Variants in PLCB1 observed in about 807,000 individuals in gnomAD.
PLCB1 encodes the protein 1-phosphatidylinositol 4,5-bisphosphate phosphodiesterase beta-1.
PLCB1 carries 46 observed loss-of-function variants against 161.8 expected under a neutral mutation model. The observed-to-expected ratio is 0.28, with a 90% confidence interval of 0.22 to 0.36. The LOEUF (loss-of-function observed/expected upper bound fraction) is 0.36, where lower values mean the gene tolerates loss of function less well. Ranked by LOEUF, PLCB1 falls within the 10% of genes least tolerant of loss-of-function variation. The pLI is 1.00. For synonymous variants in PLCB1, 517 were observed against 503.7 expected (o/e 1.03, Z -0.35); for missense variants, 1,016 against 1,472.5 (o/e 0.69, Z 5.07).
At chr20:8,138,936 A>G (rs1359061338) in intron 1 of PLCB1, among the ~76,000 whole-genome samples, 1 of 151,360 alleles carries the variant, frequency 6.6e-6, no homozygotes, top group Non-Finnish European at 1.5e-5. Flanking sequence ...AAATCTATGC[A>G]TTTATCAAGA....
chr20:8,584,529 A>C (rs6055924), intron 3 of PLCB1, among the ~76,000 whole-genome samples: 56,999 of 151,274 alleles, frequency 0.38, 11,514 homozygotes, highest in African/African-American at 0.54. Context: ...ATCCATATTG[A>C]AATAGAGAAT....
chr20:8,442,015 A>C (rs1186670492), intron 3 of PLCB1, among the ~76,000 whole-genome samples: 1 of 152,196 alleles, frequency 6.6e-6, no homozygotes, highest in Non-Finnish European at 1.5e-5. Context: ...CAGAAGACAC[A>C]CTGAATATGA....
intron 1 of PLCB1, among the ~76,000 whole-genome samples, chr20:8,148,129 T>G (rs1297792013): frequency 3.3e-5 from 5 of 152,164 alleles, no homozygotes. Flanking sequence ...AAAGATAAGT[T>G]ACACCTACAG....
chr20:8,232,312 C>T (rs1001598989), intron 2 of PLCB1, among the ~76,000 whole-genome samples: 2 of 152,130 alleles, frequency 1.3e-5, no homozygotes, highest in African/African-American at 4.8e-5. Flanking sequence ...TTAGGTCCTA[C>T]TCCAGCCATC....
At chr20:8,152,867 ATTTTACAAGTG>A (rs1233127951) in intron 2 of PLCB1, among the ~76,000 whole-genome samples, 1 of 152,022 alleles carries the variant, frequency 6.6e-6, no homozygotes, top group African/African-American at 2.4e-5. Context: ...AGCAGAGGGG[ATTTTACAAGTG>A]TTTTTTATTT....
chr20:8,470,585 T>C (rs1276916724), intron 3 of PLCB1, among the ~76,000 whole-genome samples: 1 of 152,120 alleles, frequency 6.6e-6, no homozygotes, highest in Non-Finnish European at 1.5e-5. Context: ...TCACTCTTAG[T>C]CCAGGCTGGA....
intron 3 of PLCB1, among the ~76,000 whole-genome samples, chr20:8,485,342 AT>A (rs1415746864): frequency 1.3e-5 from 2 of 152,168 alleles, no homozygotes; most frequent in East Asian, 1.9e-4. Flanking sequence ...TAAGTTATCT[AT>A]TTTTTTCCAG....
chr20:8,613,351 T>G (rs947719295), intron 3 of PLCB1, among the ~76,000 whole-genome samples: 1 of 152,200 alleles, frequency 6.6e-6, no homozygotes, highest in Non-Finnish European at 1.5e-5. Context: ...CAGGGTTTTC[T>G]GGGGGTGATG....
At chr20:8,819,741 G>A (rs1410413519) in intron 31 of PLCB1, among the ~76,000 whole-genome samples, 1 of 151,582 alleles carries the variant, frequency 6.6e-6, no homozygotes, top group Non-Finnish European at 1.5e-5. Flanking sequence ...TTTCCAGAGG[G>A]TTTGCACCAA....
intron 31 of PLCB1, among the ~76,000 whole-genome samples, chr20:8,840,353 G>A (rs1457879498): frequency 6.6e-6 from 1 of 152,234 alleles, no homozygotes; most frequent in Non-Finnish European, 1.5e-5. Flanking sequence ...ATATAGCCAA[G>A]TGGAATGAAG....
At chr20:8,611,806 C>T (rs541838048) in intron 3 of PLCB1, among the ~76,000 whole-genome samples, 3 of 152,010 alleles carry the variant, frequency 2.0e-5, no homozygotes, top group Non-Finnish European at 4.4e-5. Flanking sequence ...ATTAGCTGGG[C>T]ATGGTGGTTC....
intron 3 of PLCB1, among the ~76,000 whole-genome samples, chr20:8,580,827 G>C (rs1358523862): frequency 6.6e-6 from 1 of 152,212 alleles, no homozygotes; most frequent in Non-Finnish European, 1.5e-5. Context: ...ATCAAGGTGG[G>C]CCTTCAAGGA....
intron 2 of PLCB1, among the ~76,000 whole-genome samples, chr20:8,304,310 T>C (rs1476382524): frequency 6.6e-6 from 1 of 152,154 alleles, no homozygotes; most frequent in East Asian, 1.9e-4. Flanking sequence ...TACAGTACAC[T>C]GGGGCTACTT....
chr20:8,311,042 C>G (rs773105683), intron 2 of PLCB1, among the ~76,000 whole-genome samples: 3 of 152,088 alleles, frequency 2.0e-5, no homozygotes, highest in Admixed American at 6.6e-5. Flanking sequence ...TAAGCTTTCC[C>G]TTTTTTCTAC....
rs565943059 is a variant in PLCB1, at chr20:8,549,392, C to T, written c.247-78902C>T. Among the ~76,000 whole-genome samples, 85 of 152,204 alleles carry T rather than the reference C, an allele frequency of 5.6e-4. 1 individual carries two copies. The South Asian group carries it at 0.015, about 26-fold the overall frequency. On this transcript the variant is annotated intron_variant, in intron 3 of 31. Coordinates refer to ENST00000338037, the MANE Select transcript of PLCB1 (RefSeq NM_015192.4). ...ATGTCCAGGTGGCTAAGGGACTGCA[C>T]AGTGTTTGCTTTTGATTACAAAAAC...
chr20:8,789,737 C>T (rs1286756517), intron 30 of PLCB1, among the ~76,000 whole-genome samples, 162 bp downstream of exon 30: 1 of 152,206 alleles, frequency 6.6e-6, no homozygotes, highest in African/African-American at 2.4e-5. Context: ...ATCAACATTT[C>T]TGCAAGTTGA....
At chr20:8,709,117 A>T (rs1978854133) in intron 12 of PLCB1, among the ~76,000 whole-genome samples, 1 of 152,168 alleles carries the variant, frequency 6.6e-6, no homozygotes, top group African/African-American at 2.4e-5. Context: ...ACACAATTTG[A>T]GTCCACTTCA....
chr20:8,418,715 A>G (rs1160011577), intron 3 of PLCB1, among the ~76,000 whole-genome samples: 1 of 152,096 alleles, frequency 6.6e-6, no homozygotes, highest in African/African-American at 2.4e-5. Flanking sequence ...TTTGTCCATG[A>G]ATTTATGGAC....
chr20:8,859,483 A>T (rs1473729565), intron 31 of PLCB1, among the ~76,000 whole-genome samples: 3 of 152,192 alleles, frequency 2.0e-5, no homozygotes, highest in Non-Finnish European at 2.9e-5. Context: ...TTGAGTAGCA[A>T]GGCTTTCTAA....
Sources: allele counts gnomAD v4.1 joint callset (sites outside exome capture counted in the v4.1 genomes callset), GRCh38; gene constraint gnomAD v4.1.1; transcripts MANE v1.5; gene names NCBI Gene and HGNC (gene_info 2026-07-23, HGNC 2026-07-21).